Variants in MOV10L1 observed in about 807,000 individuals in gnomAD.
MOV10L1 encodes the protein RNA helicase Mov10l1.
MOV10L1 carries 110 observed loss-of-function variants against 143.8 expected under a neutral mutation model. The observed-to-expected ratio is 0.76, with a 90% CI of 0.66 to 0.90. The LOEUF (loss-of-function observed/expected upper bound fraction) is 0.90. Among genes scored for constraint, MOV10L1 ranks in the 40% least tolerant of loss-of-function variants. MOV10L1 has a pLI of 0.00. For synonymous variants in MOV10L1, 593 were observed against 581.1 expected, an observed-to-expected ratio of 1.02 and a Z score of -0.29; for missense variants, 1,406 against 1,526.8, an observed-to-expected ratio of 0.92 and a Z score of 1.32.
rs149459273 is a variant in MOV10L1, at chr22:50,100,800, C to T, written c.442+1198C>T. ...GATTACAGGCGTGAGCCACCACTCCCGGCTTTATATATCCATTTTTTATTG... is the reference window on the plus strand; with the variant it reads ...GATTACAGGCGTGAGCCACCACTCCTGGCTTTATATATCCATTTTTTATTG... On this transcript the variant is annotated intron_variant, in intron 3 of 26. Transcript: ENST00000262794. Among the ~76,000 whole-genome samples, 970 of 152,298 alleles carry T rather than the reference C, an allele frequency of 6.4e-3. 7 individuals carry two copies. The highest frequency in any genetic ancestry group is 0.022 in the African/African-American group (910 of 41,564).
In MOV10L1 at chr22:50,090,437, T is replaced by G. The variant is rs761924070; in HGVS notation, c.97+252T>G. On this transcript the variant is annotated intron_variant, in intron 1 of 26. Coordinates refer to ENST00000262794, the MANE Select transcript of MOV10L1 (RefSeq NM_018995.3). ...ACCAGCCCCTCTTCCCGCCCTCACT[T>G]TGTGTGTTTACGCCGAGCAGCTGCC... 5.0e-6 allele frequency: 8 copies of G among 1,600,190 alleles called. No individual in the cohort carries two copies. In the South Asian group the frequency reaches 6.8e-5, roughly 14 times the overall value.
Position 50,099,402 on chromosome 22 carries a change from G to A in MOV10L1, c.283-41G>A, listed in dbSNP as rs746152819. ...CAGCCTGTAGTTTGCTTTTCTTGTA[G>A]TTCTCGTATTATGGTTTAGAGCGGT... is the stretch of plus-strand genomic sequence containing the variant. On this transcript the variant is annotated intron_variant, in intron 2 of 26. Transcript: ENST00000262794. 33 of 1,591,784 alleles carry A rather than the reference G, an allele frequency of 2.1e-5. No homozygotes were observed. The East Asian group carries it at 7.2e-4, about 35-fold the overall frequency.
At chr22:50,100,169 T>C (rs2062702534) in intron 3 of MOV10L1, among the ~76,000 whole-genome samples, 1 of 152,052 alleles carries the variant, frequency 6.6e-6, no homozygotes, top group Admixed American at 6.5e-5. Flanking sequence ...TTTTTTGTAT[T>C]TTTAGTAAAG....
At position 50,099,574 on chromosome 22, in the gene MOV10L1, C is replaced by T. The variant is rs1273291464; in HGVS notation, c.414C>T (p.Thr138=). 1 of 1,613,792 alleles carries T rather than the reference C, an allele frequency of 6.2e-7. No individual in the cohort carries two copies. Among genetic ancestry groups the T allele is most frequent in the East Asian group, 2.2e-5 (1 of 44,864 alleles). Residue 138 remains threonine (T), a synonymous_variant, in exon 3 of 27, where the codon ACC becomes ACT. Coordinates refer to ENST00000262794, the MANE Select transcript of MOV10L1 (RefSeq NM_018995.3). The part of the protein sequence containing the change: ...VEGAGCISQT[T]YFSLESVCEG... ...GCGCAGGCTGTATCAGTCAGACCAC[C>T]TACTTCTCTCTGGAGAGTGTGTGCG...
intron 10 of MOV10L1, among the ~76,000 whole-genome samples, chr22:50,124,863 G>T (rs950760894): frequency 1.3e-5 from 2 of 152,192 alleles, no homozygotes; most frequent in African/African-American, 4.8e-5. Context: ...GGCACAGGTG[G>T]ATCAGTCATG....
Position 50,134,568 on chromosome 22 carries a change from G to A in MOV10L1, c.2008G>A (p.Val670Met). ...PEEIILQSPQVTGNWNHAQDT... is the reference protein window; with the variant it reads ...PEEIILQSPQMTGNWNHAQDT... Reference sequence around the variant, plus strand: ...AGAAATTATTTTACAGTCTCCACAAGTGACGGGAAATTGGAACCATGCACA... The same window carrying A: ...AGAAATTATTTTACAGTCTCCACAAATGACGGGAAATTGGAACCATGCACA... The change falls in exon 15 of 27, where the codon GTG becomes ATG. Residue 670 changes from valine to methionine, a missense_variant. Coordinates refer to ENST00000262794, the MANE Select transcript of MOV10L1 (RefSeq NM_018995.3). The A allele has an allele frequency of 6.2e-7, 1 of 1,614,202 alleles. No individual in the cohort carries two copies. Among genetic ancestry groups the A allele is most frequent in the Non-Finnish European group, 8.5e-7 (1 of 1,180,024 alleles).
chr22:50,161,672 C>T lies in MOV10L1; in HGVS notation c.*223C>T. ...CACTGCCGCCTACCCTGAAATAAAC[C>T]CTCGAGTGACCCCCAGAAGCCTTTC... On this transcript the variant is annotated 3_prime_UTR_variant, in exon 27 of 27. Coordinates refer to ENST00000262794, the MANE Select transcript of MOV10L1 (RefSeq NM_018995.3). 1 of 506,802 alleles carries T rather than the reference C, an allele frequency of 2.0e-6. No homozygotes were observed. The highest frequency in any genetic ancestry group is 2.0e-5 in the African/African-American group (1 of 51,004). 31.4% of individuals were successfully genotyped at this position (506,802 alleles called of 1,614,324 possible).
chr22:50,146,475 G>A (rs1383395848), intron 19 of MOV10L1, among the ~76,000 whole-genome samples: 1 of 152,240 alleles, frequency 6.6e-6, no homozygotes, highest in Non-Finnish European at 1.5e-5. Context: ...GCAGGGGGGT[G>A]GGGTCGGGGA....
intron 10 of MOV10L1, among the ~76,000 whole-genome samples, chr22:50,124,594 A>G (rs185943956): frequency 2.9e-4 from 44 of 152,240 alleles, no homozygotes; most frequent in African/African-American, 9.9e-4. Context: ...CCACTTTCCA[A>G]TTCCGGGCAG....
chr22:50,160,682 T>C lies in MOV10L1; in HGVS notation c.3325-6T>C, dbSNP rs2272841. 256,812 of 1,612,224 alleles carry C rather than the reference T, an allele frequency of 0.16. 21,656 individuals carry two copies. The highest frequency in any genetic ancestry group is 0.26 in the East Asian group (11,462 of 44,838). On this transcript the variant is annotated splice_polypyrimidine_tract_variant and splice_region_variant and intron_variant, in intron 24 of 26. Coordinates refer to ENST00000262794, the MANE Select transcript of MOV10L1 (RefSeq NM_018995.3). ...GCCATTTTTATTCATCTCTGTGTGC[T>C]TTTAGGTACGGTCAAATGAAGATAG...
At position 50,114,611 on chromosome 22, in the gene MOV10L1, G is replaced by T. The variant is rs775628108; in HGVS notation, c.1115G>T (p.Gly372Val). The T allele has an allele frequency of 1.2e-6, 2 of 1,613,836 alleles. No individual in the cohort carries two copies. Among genetic ancestry groups the T allele is most frequent in the Non-Finnish European group, 1.7e-6 (2 of 1,179,984 alleles). The change falls in exon 7 of 27, where the codon GGA becomes GTA. Residue 372 changes from glycine to valine, a missense_variant. Gly to Val is a moderately radical substitution (Grantham distance 109, BLOSUM62 -3). Transcript: ENST00000262794. ...GAGAGCAGTTTGGTGAACAACAGAG[G>T]AATCTCTCCAGGTAGTGGACGTTTC... ...MSESSLVNNR[G>V]ISPGDCTCKG...
chr22:50,159,793 T>TA lies in MOV10L1; in HGVS notation c.3324+8_3324+9insA, dbSNP rs1483038160. On this transcript the variant is annotated intron_variant, in intron 24 of 26. Coordinates refer to ENST00000262794, the MANE Select transcript of MOV10L1 (RefSeq NM_018995.3). This position sits in a 1 kb window ranked among gnomAD's most constrained non-coding sequence, Gnocchi z 4.1. ...GTCATCATCATTTCGACCGTAGGTA[T>TA]CCCTGTTCTCCGTGGGGATGGACAG... 2.0e-5 allele frequency: 32 copies of TA among 1,582,440 alleles called. No homozygotes were observed. The highest frequency in any genetic ancestry group is 2.7e-5 in the Non-Finnish European group (31 of 1,152,630).
chr22:50,128,858 T>A (rs984027107), intron 13 of MOV10L1, among the ~76,000 whole-genome samples: 2 of 150,908 alleles, frequency 1.3e-5, no homozygotes, highest in Non-Finnish European at 3.0e-5. Context: ...TTTTTTTTTT[T>A]AATAGAGATG....
chr22:50,141,633 C>T (rs1015433787), intron 15 of MOV10L1, among the ~76,000 whole-genome samples: 5 of 152,046 alleles, frequency 3.3e-5, no homozygotes, highest in Non-Finnish European at 5.9e-5. Context: ...AGCCCCGTGC[C>T]CGGCCTGGTG....
At chr22:50,157,685 G>T (rs2063460671) in intron 22 of MOV10L1, among the ~76,000 whole-genome samples, 1 of 148,818 alleles carries the variant, frequency 6.7e-6, no homozygotes, top group Admixed American at 6.9e-5. Context: ...TGTCTTTTAT[G>T]TCAGTATATC....
At chr22:50,156,395 C>T (rs570779081) in intron 22 of MOV10L1, among the ~76,000 whole-genome samples, 25 of 152,262 alleles carry the variant, frequency 1.6e-4, no homozygotes, top group African/African-American at 5.5e-4. Context: ...GGATTACAGG[C>T]GTGAGCCACC....
At chr22:50,122,943 C>T (rs1194078028) in intron 10 of MOV10L1, among the ~76,000 whole-genome samples, 1 of 152,058 alleles carries the variant, frequency 6.6e-6, no homozygotes, top group Non-Finnish European at 1.5e-5. Flanking sequence ...CCGCCTTGGC[C>T]TCCCAAAGTG....
At chr22:50,111,486 CTTTTTTTTTTT>C (rs529438045) in intron 5 of MOV10L1, among the ~76,000 whole-genome samples, 1 of 59,148 alleles carries the variant, frequency 1.7e-5, no homozygotes, top group African/African-American at 7.5e-5. Context: ...TCTGTCTTTG[CTTTTTTTTTTT>C]TTTTTTTTTT....
At chr22:50,108,483 A>C (rs781376625) in intron 4 of MOV10L1, 174 bp from the exon 5 acceptor site, 1 of 772,872 alleles carries the variant, frequency 1.3e-6, no homozygotes, top group Admixed American at 2.2e-5. Context: ...ACAGTGCTAA[A>C]ATGTTCTAAG....
Sources: gnomAD v4.1 joint callset for allele counts (sites outside exome capture counted in the v4.1 genomes callset) on GRCh38, gnomAD v4.1.1 for gene constraint, Gnocchi (gnomAD v3.1) non-coding constraint, MANE v1.5 for transcripts, NCBI Gene and HGNC (gene_info 2026-07-23, HGNC 2026-07-21) for gene names.